Variants in ZFP64 observed in about 807,000 individuals in gnomAD.
ZFP64 encodes zinc finger protein 64.
In ZFP64, 14 loss-of-function variants were observed where a neutral mutation model predicts 51.6. The ratio of observed to expected loss-of-function variants is 0.27; its 90% confidence interval spans 0.18 to 0.42. The LOEUF (loss-of-function observed/expected upper bound fraction) is 0.42. Among genes scored for constraint, ZFP64 ranks in the 10% least tolerant of loss-of-function variants. ZFP64 has a pLI of 1.00. For synonymous variants in ZFP64, 375 were observed against 361.4 expected (o/e 1.04, Z -0.43); for missense variants, 754 against 906.8 (o/e 0.83, Z 2.16).
intron 5 of ZFP64, among the ~76,000 whole-genome samples, chr20:52,108,923 A>C (rs1038463148): frequency 2.6e-5 from 4 of 151,966 alleles, no homozygotes; most frequent in Admixed American, 2.6e-4. Context: ...GGGTCTACAG[A>C]TATAAATGAA....
chr20:52,153,168 G>A lies in ZFP64; in HGVS notation c.1024C>T (p.Pro342Ser), dbSNP rs951164981. 3.1e-6 allele frequency: 5 copies of A among 1,614,104 alleles called. No homozygotes were observed. The highest frequency in any genetic ancestry group is 4.2e-6 in the Non-Finnish European group (5 of 1,180,050). The change falls in exon 6 of 6, where the codon CCT (proline) becomes TCT (serine). Residue 342 changes from proline (P) to serine (S), a missense_variant. By Grantham distance (74) the Pro-to-Ser change is moderately conservative. Transcript: ENST00000216923. The surrounding 1 kb of genome is among the most constrained non-coding windows in gnomAD (Gnocchi z 5.1). ...KHSRVHQSEH[P>S]EKCSECSYSC... ...TAGCTGCATTCCGAGCACTTCTCAG[G>A]ATGCTCCGACTGGTGCACGCGGCTG...
At chr20:52,091,081 A>C (rs1410105085) in intron 7 of ZFP64, among the ~76,000 whole-genome samples, 2 of 152,196 alleles carry the variant, frequency 1.3e-5, no homozygotes, top group Non-Finnish European at 2.9e-5. Flanking sequence ...TGGCAGAACA[A>C]GAACTTGTCT....
In ZFP64 at chr20:52,178,243, G is replaced by A. The variant is rs550797363; in HGVS notation, c.286+8589C>T. On this transcript the variant is annotated intron_variant, in intron 2 of 5. Coordinates refer to ENST00000216923, the MANE Select transcript of ZFP64 (RefSeq NM_018197.3). ...AAGCAAGTTTGAGAAACATCGCAAT[G>A]AGGAATTTACTAAGTGGCAGTACTG... is the stretch of plus-strand genomic sequence containing the variant. Among the ~76,000 whole-genome samples, 8 of 152,128 alleles carry A rather than the reference G, an allele frequency of 5.3e-5. No homozygotes were observed. In the East Asian group the frequency reaches 1.6e-3, roughly 30 times the overall value.
intron 5 of ZFP64, among the ~76,000 whole-genome samples, chr20:52,119,555 C>A (rs8183723): frequency 1.3e-5 from 1 of 77,736 alleles, no homozygotes; most frequent in African/African-American, 4.5e-5. Context: ...TATATATATA[C>A]ATATATATAT....
rs961309294 is a variant in ZFP64 at position 52,151,678 on chromosome 20, TA to T, written c.*467del. 3 of 992,104 alleles carry T rather than the reference TA, an allele frequency of 3.0e-6. No individual in the cohort carries two copies. The highest frequency in any genetic ancestry group is 1.1e-4 in the East Asian group (1 of 9,156). The allele number at this position is 992,104 out of a possible 1,614,324, so 61.5% of individuals were successfully genotyped here. A position where few individuals can be genotyped will look rare whatever the true frequency, so the allele number is the denominator to read the frequency against. ...GGTGGTCTCAAAGTTGTTACAGTGT[TA>T]AAAAAATTATAGTAAGCAGTATAAA... On this transcript the variant is annotated 3_prime_UTR_variant, in exon 6 of 6. Transcript: ENST00000216923.
At chr20:52,158,784 T>G (rs1981533591) in intron 5 of ZFP64, among the ~76,000 whole-genome samples, 1 of 152,216 alleles carries the variant, frequency 6.6e-6, no homozygotes, top group African/African-American at 2.4e-5. Context: ...AACACTGTGA[T>G]GACCTCTCAC....
chr20:52,100,163 G>A (rs1008313807), intron 5 of ZFP64, among the ~76,000 whole-genome samples: 1 of 152,062 alleles, frequency 6.6e-6, no homozygotes, highest in East Asian at 1.9e-4. Context: ...CTAATTTTTT[G>A]TATTTTCAGT....
chr20:52,170,178 G>A (rs535415232), intron 2 of ZFP64, among the ~76,000 whole-genome samples: 3 of 152,026 alleles, frequency 2.0e-5, no homozygotes, highest in Admixed American at 1.3e-4. Context: ...AGGGCCGGGC[G>A]TGGTGGCTCA....
downstream of ZFP64, among the ~76,000 whole-genome samples, chr20:52,150,388 A>C (rs1471328464): frequency 6.6e-6 from 1 of 152,180 alleles, no homozygotes; most frequent in Non-Finnish European, 1.5e-5. Context: ...AAAAAGTGGG[A>C]AAAGAGAAAG....
chr20:52,084,850 C>T (rs745853726), exon 9 of ZFP64: 4 of 1,614,026 alleles, frequency 2.5e-6, no homozygotes, highest in East Asian at 2.2e-5. Flanking sequence ...GTCTTGGCCT[C>T]GTCCCTGTGC....
chr20:52,122,433 G>A (rs1979234410), intron 5 of ZFP64, among the ~76,000 whole-genome samples: 1 of 151,460 alleles, frequency 6.6e-6, no homozygotes, highest in African/African-American at 2.4e-5. Flanking sequence ...GTGAACCCGG[G>A]AGGTGGAGCT....
At chr20:52,102,534 G>T (rs1227290697) in intron 5 of ZFP64, among the ~76,000 whole-genome samples, 1 of 152,128 alleles carries the variant, frequency 6.6e-6, no homozygotes, top group Non-Finnish European at 1.5e-5. Context: ...GTCCCTCAGG[G>T]ACAGACACAA....
chr20:52,103,460 TG>T (rs1407192337), intron 5 of ZFP64, among the ~76,000 whole-genome samples: 1 of 152,176 alleles, frequency 6.6e-6, no homozygotes, highest in Non-Finnish European at 1.5e-5. Flanking sequence ...GGCACACTAC[TG>T]GGCCGGCAGA....
At chr20:52,097,277 G>T in intron 7 of ZFP64, 3 of 1,409,634 alleles carry the variant, frequency 2.1e-6, no homozygotes, top group Non-Finnish European at 3.0e-6. Flanking sequence ...GGCAGATGAG[G>T]CAGAGACTGT....
chr20:52,164,951 A>G (rs1982130608), intron 3 of ZFP64, 194 bp from the exon 4 acceptor site: 1 of 687,708 alleles, frequency 1.5e-6, no homozygotes. Flanking sequence ...CCAAAACTGC[A>G]TAACCTGAAT....
chr20:52,140,700 C>T (rs1395189780), intron 5 of ZFP64, among the ~76,000 whole-genome samples: 2 of 152,198 alleles, frequency 1.3e-5, no homozygotes, highest in Non-Finnish European at 2.9e-5. Context: ...GTAGAAGCTG[C>T]AGCAAGTTAC....
Position 52,145,248 on chromosome 20 carries a change from G to A in ZFP64, c.763+14875C>T, listed in dbSNP as rs1980466960. 2.0e-5 allele frequency among the ~76,000 whole-genome samples: 3 copies of A among 152,236 alleles called. No individual in the cohort carries two copies. The South Asian group carries it at 6.2e-4, about 31-fold the overall frequency. ...GATCCATTCTGAGAAATAGGGCGTA[G>A]CCTATGGCTCTTAGGCTAGAAATCC... On this transcript the variant is annotated intron_variant, in intron 5 of 8. Transcript: ENST00000361387.
intron 6 of ZFP64, among the ~76,000 whole-genome samples, chr20:52,098,106 G>A (rs1486325789): frequency 2.0e-5 from 3 of 149,082 alleles, no homozygotes; most frequent in Non-Finnish European, 4.4e-5. Context: ...CTGAGAGGCG[G>A]AGGTTGCAGT....
intron 2 of ZFP64, among the ~76,000 whole-genome samples, chr20:52,170,709 C>T (rs774283389): frequency 7.2e-5 from 11 of 152,152 alleles, no homozygotes; most frequent in Non-Finnish European, 1.2e-4. Context: ...TGTAAAGCTG[C>T]TGTTGCTGTT....
Sources: gnomAD v4.1 joint callset for allele counts (sites outside exome capture counted in the v4.1 genomes callset) on GRCh38, gnomAD v4.1.1 for gene constraint, Gnocchi (gnomAD v3.1) non-coding constraint, MANE v1.5 for transcripts, NCBI Gene and HGNC (gene_info 2026-07-23, HGNC 2026-07-21) for gene names.